The following TRMT5 variants were observed in gnomAD, a reference collection of about 807,000 sequenced individuals.
The protein encoded by TRMT5 is tRNA methyltransferase 5, also known as tRNA (guanine(37)-N(1))-methyltransferase.
A neutral mutation model predicts 42.2 loss-of-function variants in TRMT5; 31 were observed. The ratio of observed to expected loss-of-function variants is 0.73; its 90% CI spans 0.55 to 0.99. The LOEUF (loss-of-function observed/expected upper bound fraction) is 0.99. Among genes scored for constraint, TRMT5 ranks in the 50% least tolerant of loss-of-function variants. TRMT5 has a pLI of 0.00. For missense variants in TRMT5, 568 were observed against 595.0 expected, an observed-to-expected ratio of 0.95 and a Z score of 0.47; for synonymous variants, 198 against 209.6, an observed-to-expected ratio of 0.94 and a Z score of 0.48.
rs1256779397 is a variant in TRMT5 at position 60,974,236 on chromosome 14, ATG to A, written c.*871_*872del. 6.6e-6 allele frequency: 1 copy of A among 152,222 alleles called. No homozygotes were observed. The highest frequency in any genetic ancestry group is 2.4e-5 in the African/African-American group (1 of 41,458). The allele number at this position is 152,222 out of a possible 1,614,324, so 9.4% of individuals were successfully genotyped here. A position where few individuals can be genotyped will look rare whatever the true frequency, so the allele number is the denominator to read the frequency against. ...GTTACAACCACATCAGTGATTTGTGATGTGTCAAACAGCAGTGTGAAGTGATG... is the reference window on the plus strand; with the variant it reads ...GTTACAACCACATCAGTGATTTGTGATGTCAAACAGCAGTGTGAAGTGATG... On this transcript the variant is annotated 3_prime_UTR_variant, in exon 5 of 5. Coordinates refer to ENST00000261249, the MANE Select transcript of TRMT5 (RefSeq NM_020810.3).
At position 60,972,478 on chromosome 14, in the gene TRMT5, C is replaced by CGGG; in HGVS notation, c.*2630_*2631insCCC. 1 of 487,358 alleles carries CGGG rather than the reference C, an allele frequency of 2.1e-6. No homozygotes were observed. Among genetic ancestry groups the CGGG allele is most frequent in the Admixed American group, 2.2e-5 (1 of 46,034 alleles). 30.2% of individuals were successfully genotyped at this position (487,358 alleles called of 1,614,324 possible). Reference sequence around the variant, plus strand: ...TTTCTCTTGGGCATGGCGGCGGCGGCGGCGGCGGGATGTGGGCACCGGGTG... The same window carrying CGGG: ...TTTCTCTTGGGCATGGCGGCGGCGGCGGGGGCGGCGGGATGTGGGCACCGGGTG... On this transcript the variant is annotated 3_prime_UTR_variant, in exon 5 of 5. Coordinates refer to ENST00000261249, the MANE Select transcript of TRMT5 (RefSeq NM_020810.3).
rs186092214 is a variant in TRMT5 at position 60,972,684 on chromosome 14, G to A, written c.*2425C>T. 3.8e-6 allele frequency: 1 copy of A among 264,228 alleles called. No homozygotes were observed. Among genetic ancestry groups the A allele is most frequent in the African/African-American group, 2.3e-5 (1 of 44,320 alleles). 16.4% of individuals were successfully genotyped at this position (264,228 alleles called of 1,614,324 possible). ...AGGGTTCTAAGTAAGTGTTCCCTGT[G>A]ATCAAAATCAGTTGTAAATGATTGC... On this transcript the variant is annotated 3_prime_UTR_variant, in exon 5 of 5. Coordinates refer to ENST00000261249, the MANE Select transcript of TRMT5 (RefSeq NM_020810.3).
In TRMT5 at chr14:60,979,314, T is replaced by C. The variant is rs759729088; in HGVS notation, c.584A>G (p.Asp195Gly). ...AATCCTGCTAAACCCTGAAGTTACA[T>C]CTTGACCTTCAGGAAGCACAGCTCT... The part of the protein sequence containing the change: ...ILRAVLPEGQ[D>G]VTSGFSRIGH... The change falls in exon 2 of 5, where the codon GAT becomes GGT. Residue 195 changes from aspartate (D) to glycine (G), a missense_variant. Asp to Gly is a moderately conservative substitution (Grantham distance 94, BLOSUM62 -1). Transcript: ENST00000261249. The C allele has an allele frequency of 5.6e-6, 9 of 1,614,018 alleles. No individual in the cohort carries two copies. Among genetic ancestry groups the C allele is most frequent in the Non-Finnish European group, 7.6e-6 (9 of 1,179,996 alleles).
At position 60,975,042 on chromosome 14, in the gene TRMT5, A is replaced by C; in HGVS notation, c.*67T>G. On this transcript the variant is annotated 3_prime_UTR_variant, in exon 5 of 5. Transcript: ENST00000261249. ...AGTAAAAACCAAACCCTAAAATTTT[A>C]TTAAATAATACAAATTCTATTTCAC... 7.5e-7 allele frequency: 1 copy of C among 1,324,756 alleles called. No homozygotes were observed. The highest frequency in any genetic ancestry group is 1.0e-6 in the Non-Finnish European group (1 of 968,048). 82.1% of individuals were successfully genotyped at this position (1,324,756 alleles called of 1,614,324 possible).
chr14:60,972,234 A>G lies in TRMT5; in HGVS notation c.*2875T>C, dbSNP rs2036785603. 1 of 522,818 alleles carries G rather than the reference A, an allele frequency of 1.9e-6. No individual in the cohort carries two copies. Among genetic ancestry groups the G allele is most frequent in the South Asian group, 1.4e-5 (1 of 71,940 alleles). The allele number at this position is 522,818 out of a possible 1,614,324, so 32.4% of individuals were successfully genotyped here. A position where few individuals can be genotyped will look rare whatever the true frequency, so the allele number is the denominator to read the frequency against. On this transcript the variant is annotated 3_prime_UTR_variant, in exon 5 of 5. Transcript: ENST00000261249. The stretch of plus-strand genomic sequence containing the variant: ...GTCACCAGAAGTACAGTTATAAAAA[A>G]TGCACACACTTCACTTGGGATCTCC...
At chr14:60,975,288 C>G (rs1696109466) in intron 4 of TRMT5, 94 bp from the exon 5 acceptor site, 1 of 1,311,202 alleles carries the variant, frequency 7.6e-7, no homozygotes, top group Admixed American at 2.4e-5. Context: ...TTAATCTAGT[C>G]AACTTAAACA....
At chr14:60,978,146 CAT>C (rs2036871411) in intron 2 of TRMT5, among the ~76,000 whole-genome samples, 1 of 151,882 alleles carries the variant, frequency 6.6e-6, no homozygotes, top group South Asian at 2.1e-4. Flanking sequence ...AAAAAAGAAA[CAT>C]AGATTATTTA....
chr14:60,981,267 TG>T, upstream of TRMT5: 1 of 1,593,158 alleles, frequency 6.3e-7, no homozygotes, highest in Non-Finnish European at 8.5e-7. Flanking sequence ...GGTAGTCAGC[TG>T]GAGAGCAGCA....
rs1424841225 is a variant in TRMT5, at chr14:60,971,867, GGCTTAAGGGGA to G, written c.*3231_*3241del. Reference sequence around the variant, plus strand: ...GGGGTCAGGTCCCAACAGATGTCTGGGCTTAAGGGGATTAAGTCTATGCTGAAAGATGGAAA... The same window carrying G: ...GGGGTCAGGTCCCAACAGATGTCTGGTTAAGTCTATGCTGAAAGATGGAAA... On this transcript the variant is annotated 3_prime_UTR_variant, in exon 5 of 5. Coordinates refer to ENST00000261249, the MANE Select transcript of TRMT5 (RefSeq NM_020810.3). 1 of 128,426 alleles carries G rather than the reference GGCTTAAGGGGA, an allele frequency of 7.8e-6. No individual in the cohort carries two copies. The highest frequency in any genetic ancestry group is 3.5e-5 in the African/African-American group (1 of 28,288). 8.0% of individuals were successfully genotyped at this position (128,426 alleles called of 1,614,324 possible).
At chr14:60,980,899 A>G in intron 1 of TRMT5, 64 bp downstream of exon 1, 1 of 1,610,250 alleles carries the variant, frequency 6.2e-7, no homozygotes, top group Non-Finnish European at 8.5e-7. Flanking sequence ...CATGGCAGAG[A>G]GCAGCCCTGG....
intron 2 of TRMT5, among the ~76,000 whole-genome samples, chr14:60,978,259 C>T (rs2139643632): frequency 6.6e-6 from 1 of 152,248 alleles, no homozygotes; most frequent in African/African-American, 2.4e-5. Flanking sequence ...TTAGTTAGCA[C>T]TTTAAAAAAG....
At chr14:60,979,184 T>C (rs751888127) in intron 2 of TRMT5, 47 bp downstream of exon 2, 30 of 1,492,688 alleles carry the variant, frequency 2.0e-5, no homozygotes, top group Non-Finnish European at 2.6e-5. Flanking sequence ...AAATTAACAA[T>C]TTGCAAATTC....
chr14:60,979,620 GTC>G lies in TRMT5; in HGVS notation c.276_277del (p.Lys92AsnfsTer8). The G allele has an allele frequency of 6.2e-7, 1 of 1,614,092 alleles. No individual in the cohort carries two copies. The highest frequency in any genetic ancestry group is 8.5e-7 in the Non-Finnish European group (1 of 1,180,010). On this transcript the variant is annotated frameshift_variant, in exon 2 of 5. Transcript: ENST00000261249. LOFTEE classifies it high-confidence loss of function. ...CACTTTAAGCACTGGAATGTTGACT[GTC>G]TTTTTAAAAGCTGTTCTATCAAGTT...
chr14:60,974,172 G>A lies in TRMT5; in HGVS notation c.*937C>T, dbSNP rs187914918. The A allele has an allele frequency of 6.6e-6, 1 of 152,310 alleles. No homozygotes were observed. Among genetic ancestry groups the A allele is most frequent in the African/African-American group, 2.4e-5 (1 of 41,558 alleles). 9.4% of individuals were successfully genotyped at this position (152,310 alleles called of 1,614,324 possible). Reference sequence around the variant, plus strand: ...ATGCTCTGGTAATAAAAAATAAAATGTGGGTTCATGTGATATACATGGCAC... The same window carrying A: ...ATGCTCTGGTAATAAAAAATAAAATATGGGTTCATGTGATATACATGGCAC... On this transcript the variant is annotated 3_prime_UTR_variant, in exon 5 of 5. Coordinates refer to ENST00000261249, the MANE Select transcript of TRMT5 (RefSeq NM_020810.3).
rs1294118809 is a variant in TRMT5 at position 60,973,456 on chromosome 14, C to T, written c.*1653G>A. 6.6e-6 allele frequency: 1 copy of T among 151,906 alleles called. No homozygotes were observed. 9.4% of individuals were successfully genotyped at this position (151,906 alleles called of 1,614,324 possible). A position where few individuals can be genotyped will look rare whatever the true frequency, so the allele number is the denominator to read the frequency against. On this transcript the variant is annotated 3_prime_UTR_variant, in exon 5 of 5. Transcript: ENST00000261249. Reference sequence around the variant, plus strand: ...ACTTTGAAACAACAAGATCTCATAACTCATTATCTTAAGGACACCACCAAG... The same window carrying T: ...ACTTTGAAACAACAAGATCTCATAATTCATTATCTTAAGGACACCACCAAG...
intron 1 of TRMT5, chr14:60,980,717 T>A: frequency 1.6e-6 from 1 of 610,298 alleles, no homozygotes; most frequent in Non-Finnish European, 2.9e-6. Context: ...AAATTGGTTC[T>A]AGCAGCTGAC....
chr14:60,976,662 G>C (rs1209537554), intron 3 of TRMT5, among the ~76,000 whole-genome samples: 2 of 152,136 alleles, frequency 1.3e-5, no homozygotes, highest in Non-Finnish European at 2.9e-5. Flanking sequence ...ATTTTACTAT[G>C]TTTTTCGACA....
chr14:60,979,196 C>A, intron 2 of TRMT5, 35 bp downstream of exon 2: 2 of 1,507,404 alleles, frequency 1.3e-6, no homozygotes, highest in South Asian at 1.4e-5. Context: ...TGCAAATTCC[C>A]TTCAAATACA....
rs751572477 is a variant in TRMT5, at chr14:60,975,676, T to G, written c.1243A>C (p.Ile415Leu). Residue 415 changes from isoleucine to leucine, a missense_variant, in exon 4 of 5, where the codon ATA (isoleucine) becomes CTA (leucine). Coordinates refer to ENST00000261249, the MANE Select transcript of TRMT5 (RefSeq NM_020810.3). The part of the protein sequence containing the change: ...GQPCSSEFLP[I>L]VHCYSFSKDA... Reference sequence around the variant, plus strand: ...TTGGAAAAGCTATAACAATGCACTATGGGAAGGAACTCACTGCTGCATGGC... The same window carrying G: ...TTGGAAAAGCTATAACAATGCACTAGGGGAAGGAACTCACTGCTGCATGGC... 1 of 1,614,178 alleles carries G rather than the reference T, an allele frequency of 6.2e-7. No homozygotes were observed. The highest frequency in any genetic ancestry group is 8.5e-7 in the Non-Finnish European group (1 of 1,180,030).
Sources: gnomAD v4.1 joint callset for allele counts (sites outside exome capture counted in the v4.1 genomes callset) on GRCh38, gnomAD v4.1.1 for gene constraint, MANE v1.5 for transcripts, NCBI Gene and HGNC (gene_info 2026-07-23, HGNC 2026-07-21) for gene names.